PDE4A: variants seen among roughly 807,000 people sequenced by gnomAD.
PDE4A encodes the protein 3',5'-cyclic-AMP phosphodiesterase 4A.
PDE4A carries 21 observed loss-of-function variants against 73.9 expected under a neutral mutation model. The observed-to-expected ratio is 0.28, with a 90% confidence interval of 0.20 to 0.41. The LOEUF (loss-of-function observed/expected upper bound fraction) is 0.41. Among genes scored for constraint, PDE4A ranks in the 10% least tolerant of loss-of-function variants. The pLI, the probability that PDE4A is intolerant of heterozygous loss-of-function variation, is 1.00. For missense variants in PDE4A, 958 were observed against 1,211.4 expected (o/e 0.79, Z 3.10); for synonymous variants, 463 against 505.4 (o/e 0.92, Z 1.13).
intron 1 of PDE4A, among the ~76,000 whole-genome samples, chr19:10,434,889 C>CTTTTTTT (rs377462932): frequency 9.3e-6 from 1 of 107,254 alleles, no homozygotes; most frequent in Non-Finnish European, 1.8e-5. Flanking sequence ...CTGTGCCCAG[C>CTTTTTTT]TTTTTTTTTT....
intron 6 of PDE4A, among the ~76,000 whole-genome samples, chr19:10,454,416 C>T (rs981643653): frequency 6.6e-5 from 10 of 152,234 alleles, no homozygotes; most frequent in Non-Finnish European, 1.5e-4. Flanking sequence ...GGCTTGCCCC[C>T]CTTTTCCCCA....
In PDE4A at chr19:10,430,245, G is replaced by T. The variant is rs549492213; in HGVS notation, c.320+9161G>T. 5.3e-5 allele frequency among the ~76,000 whole-genome samples: 8 copies of T among 152,128 alleles called. 1 individual carries two copies. Among genetic ancestry groups the T allele is most frequent in the South Asian group, 2.1e-4 (1 of 4,822 alleles). On this transcript the variant is annotated intron_variant, in intron 1 of 14. Coordinates refer to ENST00000380702, the MANE Select transcript of PDE4A (RefSeq NM_001111307.2). Reference sequence around the variant, plus strand: ...AGATTTGGGGGCATCCCTGGCATTTGTGGATGCACCCTGGGATTCTCAGGG... The same window carrying T: ...AGATTTGGGGGCATCCCTGGCATTTTTGGATGCACCCTGGGATTCTCAGGG...
At chr19:10,436,674 A>G (rs2042869173) in intron 1 of PDE4A, among the ~76,000 whole-genome samples, 1 of 152,224 alleles carries the variant, frequency 6.6e-6, no homozygotes, top group Non-Finnish European at 1.5e-5. Context: ...CATTCAATAA[A>G]TGTCTTGTTA....
chr19:10,438,621 T>C (rs1250341798), intron 1 of PDE4A, among the ~76,000 whole-genome samples: 1 of 152,108 alleles, frequency 6.6e-6, no homozygotes, highest in Non-Finnish European at 1.5e-5. Context: ...GTTTGTTTGT[T>C]TTTGAGACAG....
rs2569789 is a variant in PDE4A, at chr19:10,423,150, C to A, written c.320+2066C>A. On this transcript the variant is annotated intron_variant, in intron 1 of 14. Transcript: ENST00000380702. ...AGAAACTGGAGCCCAGAGACAAAAC[C>A]CTTTCTCTTTTTTTTTTTTTTTTTT... is the stretch of plus-strand genomic sequence containing the variant. The A allele has an allele frequency of 4.5e-3, 4,299 of 960,332 alleles. 149 individuals are homozygous for A. In the African/African-American group the frequency reaches 0.073, roughly 16 times the overall value. 59.5% of individuals were successfully genotyped at this position (960,332 alleles called of 1,614,324 possible).
chr19:10,431,122 C>A, intron 1 of PDE4A: 1 of 1,399,464 alleles, frequency 7.1e-7, no homozygotes, highest in Non-Finnish European at 9.5e-7. Context: ...GTTCAAGTCG[C>A]CCCTGGCCAC....
intron 1 of PDE4A, among the ~76,000 whole-genome samples, chr19:10,422,836 CA>C (rs1278036435): frequency 6.6e-6 from 1 of 152,152 alleles, no homozygotes; most frequent in Non-Finnish European, 1.5e-5. Context: ...AAAACTGGGG[CA>C]GGGGGCCAAA....
At chr19:10,443,375 T>G (rs546505522) in intron 1 of PDE4A, among the ~76,000 whole-genome samples, 1 of 151,566 alleles carries the variant, frequency 6.6e-6, no homozygotes, top group South Asian at 2.1e-4. Context: ...CGAGACCCCA[T>G]CTCTACAAAA....
intron 1 of PDE4A, among the ~76,000 whole-genome samples, chr19:10,437,810 T>TG: frequency 6.7e-6 from 1 of 150,184 alleles, no homozygotes; most frequent in Non-Finnish European, 1.5e-5. Flanking sequence ...CAGGACTGTT[T>TG]TTTTTTTTTT....
Position 10,463,987 on chromosome 19 carries a change from G to T in PDE4A, c.1926+12G>T, listed in dbSNP as rs2043322660. 1 of 1,613,824 alleles carries T rather than the reference G, an allele frequency of 6.2e-7. No homozygotes were observed. Among genetic ancestry groups the T allele is most frequent in the Non-Finnish European group, 8.5e-7 (1 of 1,179,914 alleles). On this transcript the variant is annotated intron_variant, in intron 14 of 14. Transcript: ENST00000380702. ...TGGAGAAGTCTCAGGTACAGGCTCG[G>T]GGCATTGATGGACGGGCACAGGGTG...
Position 10,461,614 on chromosome 19 carries a change from C to T in PDE4A, c.1554C>T (p.Asn518=). The T allele has an allele frequency of 6.2e-7, 1 of 1,606,452 alleles. No individual in the cohort carries two copies. Among genetic ancestry groups the T allele is most frequent in the Non-Finnish European group, 8.5e-7 (1 of 1,175,940 alleles). Residue 518 remains asparagine (N), a synonymous_variant, in exon 12 of 15, where the codon AAC becomes AAT. Transcript: ENST00000380702. ...AVGFKLLQED[N]CDIFQNLSKR... is the part of the protein sequence containing the mutation. Reference sequence around the variant, plus strand: ...GCTTCAAGCTGCTGCAGGAGGACAACTGCGACATCTTCCAGAACCTCAGCA... The same window carrying T: ...GCTTCAAGCTGCTGCAGGAGGACAATTGCGACATCTTCCAGAACCTCAGCA...
rs377462932 is a variant in PDE4A at position 10,434,889 on chromosome 19, CTTTTTTTTTTT to C, written c.321-11316_321-11306del. 3.1e-4 allele frequency among the ~76,000 whole-genome samples: 33 copies of C among 107,216 alleles called. No individual in the cohort carries two copies. In the East Asian group the frequency reaches 8.4e-3, roughly 27 times the overall value. 70.3% of individuals were successfully genotyped at this position (107,216 alleles called of 152,430 possible). On this transcript the variant is annotated intron_variant, in intron 1 of 14. Transcript: ENST00000380702. Reference sequence around the variant, plus strand: ...TACAGGCATGAGCCACTGTGCCCAGCTTTTTTTTTTTTTTTTTTTTTTTGAGACAGCATCTC... The same window carrying C: ...TACAGGCATGAGCCACTGTGCCCAGCTTTTTTTTTTTTGAGACAGCATCTC...
Position 10,447,217 on chromosome 19 carries a change from CTTTTTTTT to C in PDE4A, c.512+827_512+834del, listed in dbSNP as rs34169084. Among the ~76,000 whole-genome samples the C allele has an allele frequency of 1.4e-3, 83 of 59,218 alleles. 2 individuals are homozygous for C. Among genetic ancestry groups the C allele is most frequent in the African/African-American group, 2.5e-3 (30 of 11,998 alleles). 38.8% of individuals were successfully genotyped at this position (59,218 alleles called of 152,430 possible). The stretch of plus-strand genomic sequence containing the variant: ...GCCTGGCCTCAGTTCCTTTTTTTCT[CTTTTTTTT>C]TTTTTTTTTTTTTTTTTTGAGACAG... On this transcript the variant is annotated intron_variant, in intron 2 of 14. Transcript: ENST00000380702.
At chr19:10,455,499 T>C (rs1265155613) in intron 7 of PDE4A, among the ~76,000 whole-genome samples, 1 of 148,272 alleles carries the variant, frequency 6.7e-6, no homozygotes, top group African/African-American at 2.5e-5. Context: ...CCGGGCATGG[T>C]GGTGTGTGCT....
At chr19:10,434,185 C>A (rs2042833424) in intron 1 of PDE4A, among the ~76,000 whole-genome samples, 1 of 150,802 alleles carries the variant, frequency 6.6e-6, no homozygotes, top group African/African-American at 2.4e-5. Flanking sequence ...TTCTTCCTTT[C>A]CTTCTTTCCT....
Position 10,420,781 on chromosome 19 carries a change from T to A in PDE4A, c.17T>A (p.Val6Asp). MEPPT[V>D]PSERSLSLSL... Reference sequence around the variant, plus strand: ...GCCGGCGCCATGGAACCCCCGACCGTCCCCTCGGAAAGGAGCCTGTCTCTG... The same window carrying A: ...GCCGGCGCCATGGAACCCCCGACCGACCCCTCGGAAAGGAGCCTGTCTCTG... Residue 6 changes from valine to aspartate, a missense_variant, in exon 1 of 15, where the codon GTC (valine) becomes GAC (aspartate). Around this residue, in one of 3 missense-constraint regions of PDE4A, gnomAD observed 145 missense variants for 137.8 expected, o/e 1.05. Transcript: ENST00000380702. The surrounding 1 kb of genome is among the most constrained non-coding windows in gnomAD (Gnocchi z 6.0). 1 of 1,574,382 alleles carries A rather than the reference T, an allele frequency of 6.4e-7. No individual in the cohort carries two copies. Among genetic ancestry groups the A allele is most frequent in the Non-Finnish European group, 8.5e-7 (1 of 1,170,132 alleles).
rs1022986278 is a variant in PDE4A, at chr19:10,461,103, A to G, written c.1465A>G (p.Asn489Asp). ...GVSNQFLINTNSELALMYNDE... is the reference protein window; with the variant it reads ...GVSNQFLINTDSELALMYNDE... ...CTCCAACCAGTTCCTCATCAACACC[A>G]GTGAGTGGCCCTCGCCAGGGGCGGG... The change falls in exon 11 of 15, where the codon AAT (asparagine) becomes GAT (aspartate). Residue 489 changes from asparagine (N) to aspartate (D), a missense_variant and splice_region_variant. By Grantham distance (23) the Asn-to-Asp change is conservative (BLOSUM62 1). Coordinates refer to ENST00000380702, the MANE Select transcript of PDE4A (RefSeq NM_001111307.2). The G allele has an allele frequency of 6.2e-7, 1 of 1,609,386 alleles. No individual in the cohort carries two copies. Among genetic ancestry groups the G allele is most frequent in the Admixed American group, 1.7e-5 (1 of 59,888 alleles).
In PDE4A at chr19:10,467,266, C is replaced by T. The variant is rs751497842; in HGVS notation, c.2306C>T (p.Ser769Phe). 4.0e-5 allele frequency: 65 copies of T among 1,614,084 alleles called. No homozygotes were observed. The highest frequency in any genetic ancestry group is 5.0e-5 in the Non-Finnish European group (59 of 1,180,040). Residue 769 changes from serine (S) to phenylalanine (F), a missense_variant, in exon 15 of 15, where the codon TCC (serine) becomes TTC (phenylalanine). By Grantham distance (155) the Ser-to-Phe change is radical. Around this residue, in one of 3 missense-constraint regions of PDE4A, gnomAD observed 243 missense variants for 245.9 expected, o/e 0.99. Coordinates refer to ENST00000380702, the MANE Select transcript of PDE4A (RefSeq NM_001111307.2). ...TTGGAAGTTATGGCACAGGAAGCAT[C>T]CCTGGAGGCCGAGCTGGAGGCAGTG... ...ESLEVMAQEA[S>F]LEAELEAVYL...
At chr19:10,447,599 G>A (rs1464723779) in intron 2 of PDE4A, among the ~76,000 whole-genome samples, 3 of 151,864 alleles carry the variant, frequency 2.0e-5, no homozygotes, top group African/African-American at 7.2e-5. Context: ...AAACTCCTGG[G>A]CTCAAGCGAT....
Sources: allele counts gnomAD v4.1 joint callset (sites outside exome capture counted in the v4.1 genomes callset), GRCh38; gene constraint gnomAD v4.1.1; regional missense constraint gnomAD v4.1.1; non-coding constraint Gnocchi (gnomAD v3.1); transcripts MANE v1.5; gene names NCBI Gene and HGNC (gene_info 2026-07-23, HGNC 2026-07-21).